Variants in FUBP3 observed in about 807,000 individuals in gnomAD.
The protein encoded by FUBP3 is far upstream element-binding protein 3.
Under a neutral mutation model 85.6 loss-of-function variants are expected in FUBP3, and 28 were observed. The observed-to-expected ratio is 0.33, with a 90% CI of 0.24 to 0.45. FUBP3 has a LOEUF of 0.45. Ranked by LOEUF, FUBP3 falls within the 20% of genes least tolerant of loss-of-function variation. FUBP3 has a pLI of 1.00. For synonymous variants in FUBP3, 271 were observed against 271.4 expected, an observed-to-expected ratio of 1.00 and a Z score of 0.01; for missense variants, 583 against 755.1, an observed-to-expected ratio of 0.77 and a Z score of 2.67.
chr9:130,586,607 A>C (rs919228922), intron 1 of FUBP3, among the ~76,000 whole-genome samples: 1 of 152,092 alleles, frequency 6.6e-6, no homozygotes, highest in Admixed American at 6.6e-5. Context: ...GAGGGAGATA[A>C]AGCAGTTTTC....
At chr9:130,617,695 G>A in intron 7 of FUBP3, 102 bp from the exon 8 acceptor site, 1 of 802,924 alleles carries the variant, frequency 1.2e-6, no homozygotes. Context: ...TGGTAGGTGG[G>A]ATGTGCGCTT....
chr9:130,603,318 G>A (rs569451382), intron 2 of FUBP3, among the ~76,000 whole-genome samples: 16 of 137,254 alleles, frequency 1.2e-4, no homozygotes, highest in African/African-American at 4.4e-4. Context: ...CTGCACTCCA[G>A]CCTGGGCGAC....
chr9:130,584,559 A>AT (rs543419262), intron 1 of FUBP3, among the ~76,000 whole-genome samples: 181 of 151,494 alleles, frequency 1.2e-3, no homozygotes, highest in Non-Finnish European at 2.1e-3. Flanking sequence ...GTGATTTTGC[A>AT]TTAAAAAAAA....
chr9:130,579,589 C>A lies in FUBP3; in HGVS notation c.-92C>A. The A allele has an allele frequency of 2.5e-6, 2 of 788,908 alleles. No individual in the cohort carries two copies. The highest frequency in any genetic ancestry group is 1.8e-5 in the African/African-American group (1 of 55,700). The allele number at this position is 788,908 out of a possible 1,614,324, so 48.9% of individuals were successfully genotyped here. A position where few individuals can be genotyped will look rare whatever the true frequency, so the allele number is the denominator to read the frequency against. ...TAGGGCGACTTTCCTTTTCCGGCTACGGGTCCCCAAGCGGAGCGGGAGGCC... is the reference window on the plus strand; with the variant it reads ...TAGGGCGACTTTCCTTTTCCGGCTAAGGGTCCCCAAGCGGAGCGGGAGGCC... On this transcript the variant is annotated 5_prime_UTR_variant, in exon 1 of 19. Transcript: ENST00000319725.
intron 12 of FUBP3, among the ~76,000 whole-genome samples, 162 bp downstream of exon 12, chr9:130,626,667 A>G (rs1235360358): frequency 1.3e-5 from 2 of 152,144 alleles, no homozygotes; most frequent in Non-Finnish European, 2.9e-5. Context: ...CCTGCTTGGC[A>G]TGGTTCTCTG....
chr9:130,622,018 G>A (rs898441241), intron 9 of FUBP3, among the ~76,000 whole-genome samples: 4 of 150,340 alleles, frequency 2.7e-5, no homozygotes, highest in African/African-American at 7.3e-5. Flanking sequence ...ACTAAGTTGC[G>A]TGTTAAAAAA....
In FUBP3 at chr9:130,634,777, C is replaced by T; in HGVS notation, c.1582+39C>T. On this transcript the variant is annotated intron_variant, in intron 17 of 18. Transcript: ENST00000319725. ...CCTCCTAACCTGTGGCAGCACAGTC[C>T]CCTCCAGCCCAGAGACTTCAGAGTC... 5.3e-6 allele frequency: 8 copies of T among 1,496,906 alleles called. 1 individual carries two copies. Among genetic ancestry groups the T allele is most frequent in the African/African-American group, 2.7e-5 (2 of 72,870 alleles). 92.7% of individuals were successfully genotyped at this position (1,496,906 alleles called of 1,614,324 possible).
intron 1 of FUBP3, among the ~76,000 whole-genome samples, chr9:130,590,557 G>A (rs1317511726): frequency 1.3e-5 from 2 of 152,192 alleles, no homozygotes; most frequent in Admixed American, 6.5e-5. Flanking sequence ...TCAGGGTCAC[G>A]CTTGCAGATA....
rs1831772957 is a variant in FUBP3 at position 130,612,068 on chromosome 9, T to A, written c.225-388T>A. Among the ~76,000 whole-genome samples, 1 of 152,112 alleles carries A rather than the reference T, an allele frequency of 6.6e-6. No homozygotes were observed. The highest frequency in any genetic ancestry group is 1.5e-5 in the Non-Finnish European group (1 of 68,022). ...GGACTCCACAATAGAAGTCTAAACA[T>A]CTCCCAAAACCCTGGAGGACCTTTC... On this transcript the variant is annotated intron_variant, in intron 3 of 18. Transcript: ENST00000319725. The surrounding 1 kb of genome is among the most constrained non-coding windows in gnomAD (Gnocchi z 4.1).
chr9:130,631,085 C>A (rs914838651), intron 13 of FUBP3: 31 of 1,089,502 alleles, frequency 2.8e-5, no homozygotes, highest in African/African-American at 9.8e-5. Flanking sequence ...AGCCTCCCCC[C>A]ACGCTGCCCC....
At chr9:130,591,259 A>G (rs547194381) in intron 1 of FUBP3, among the ~76,000 whole-genome samples, 4 of 152,246 alleles carry the variant, frequency 2.6e-5, no homozygotes, top group South Asian at 2.1e-4. Flanking sequence ...CCTGGCCAAC[A>G]TGGTGAAACC....
chr9:130,622,532 G>A (rs545104414), intron 9 of FUBP3, among the ~76,000 whole-genome samples, 176 bp from the exon 10 acceptor site: 59 of 151,726 alleles, frequency 3.9e-4, no homozygotes, highest in African/African-American at 1.4e-3. Flanking sequence ...CTTAGAGGCT[G>A]AGGTGGGAGA....
rs186774451 is a variant in FUBP3, at chr9:130,636,258, C to T, written c.1710+132C>T. 32 of 920,248 alleles carry T rather than the reference C, an allele frequency of 3.5e-5. No individual in the cohort carries two copies. In the East Asian group the frequency reaches 4.1e-4, roughly 12 times the overall value. The allele number at this position is 920,248 out of a possible 1,614,324, so 57.0% of individuals were successfully genotyped here. On this transcript the variant is annotated intron_variant, in intron 18 of 18. Coordinates refer to ENST00000319725, the MANE Select transcript of FUBP3 (RefSeq NM_003934.2). ...ACCTCTGGGCGCCATAGCTCCTCAG[C>T]GAGGCTGCTTCTGCTGAGAGCCCGG...
At chr9:130,609,024 G>C (rs1244177408) in intron 2 of FUBP3, among the ~76,000 whole-genome samples, 1 of 152,180 alleles carries the variant, frequency 6.6e-6, no homozygotes, top group African/African-American at 2.4e-5. Flanking sequence ...CCCCAAAGAC[G>C]TATTTCTGAA....
At position 130,617,904 on chromosome 9, in the gene FUBP3, G is replaced by C. The variant is rs1335278332; in HGVS notation, c.666+9G>C. 1 of 1,441,138 alleles carries C rather than the reference G, an allele frequency of 6.9e-7. No individual in the cohort carries two copies. The highest frequency in any genetic ancestry group is 1.4e-5 in the African/African-American group (1 of 71,746). 89.3% of individuals were successfully genotyped at this position (1,441,138 alleles called of 1,614,324 possible). ...ATGCATTTAAAGTACAGGTAGGAAA[G>C]TGCCATGGGTTGGGTGAGTCCTGGC... On this transcript the variant is annotated intron_variant, in intron 8 of 18. Transcript: ENST00000319725.
At chr9:130,590,021 ATTTTTTTTTTTTTTTTTT>A (rs60878897) in intron 1 of FUBP3, among the ~76,000 whole-genome samples, 4 of 45,970 alleles carry the variant, frequency 8.7e-5, no homozygotes, top group Non-Finnish European at 1.1e-4. Context: ...GGCCTATTTA[ATTTTTTTTTTTTTTTTTT>A]TTTTTTTTTT....
intron 1 of FUBP3, among the ~76,000 whole-genome samples, chr9:130,580,237 C>T (rs1191749307): frequency 6.6e-6 from 1 of 152,168 alleles, no homozygotes. Context: ...TGTGAGGGTG[C>T]TCTTTGGAGA....
At chr9:130,583,152 T>G (rs1361495618) in intron 1 of FUBP3, among the ~76,000 whole-genome samples, 1 of 152,356 alleles carries the variant, frequency 6.6e-6, no homozygotes, top group East Asian at 1.9e-4. Context: ...TGACAGATTT[T>G]TAGGCCCGAA....
chr9:130,586,429 T>A (rs139383711), intron 1 of FUBP3, among the ~76,000 whole-genome samples: 171 of 152,270 alleles, frequency 1.1e-3, no homozygotes, highest in African/African-American at 3.9e-3. Context: ...TGAGACAGGA[T>A]CTCTCTGTGT....
Sources: allele counts gnomAD v4.1 joint callset (sites outside exome capture counted in the v4.1 genomes callset), GRCh38; gene constraint gnomAD v4.1.1; non-coding constraint Gnocchi (gnomAD v3.1); transcripts MANE v1.5; gene names NCBI Gene and HGNC (gene_info 2026-07-23, HGNC 2026-07-21).